The following GRIK1 variants were observed in gnomAD, a reference collection of about 807,000 sequenced individuals.
GRIK1 encodes the protein glutamate ionotropic receptor kainate type subunit 1.
A neutral mutation model predicts 105.7 loss-of-function variants in GRIK1; 69 were observed. The observed-to-expected ratio is 0.65, with a 90% CI of 0.54 to 0.80. GRIK1 has a LOEUF of 0.80. Ranked by LOEUF, GRIK1 falls within the 30% of genes least tolerant of loss-of-function variation. The pLI, the probability that GRIK1 is intolerant of heterozygous loss-of-function variation, is 0.00. For synonymous variants in GRIK1, 438 were observed against 431.3 expected, an observed-to-expected ratio of 1.02 and a Z score of -0.19; for missense variants, 1,109 against 1,167.3, an observed-to-expected ratio of 0.95 and a Z score of 0.73.
intron 1 of GRIK1, among the ~76,000 whole-genome samples, chr21:29,790,263 G>T (rs1281713820): frequency 6.6e-6 from 1 of 152,066 alleles, no homozygotes; most frequent in African/African-American, 2.4e-5. Flanking sequence ...TGGCCAGGAT[G>T]GTCTCAATAT....
rs570548560 is a variant in GRIK1, at chr21:29,640,002, A to G, written c.1098+2824T>C. Reference sequence around the variant, plus strand: ...CTGATTCCCAACAGTGTGTGGAGTTATCAGAAATTACCGCACATGCAACAA... The same window carrying G: ...CTGATTCCCAACAGTGTGTGGAGTTGTCAGAAATTACCGCACATGCAACAA... On this transcript the variant is annotated intron_variant, in intron 7 of 17. Coordinates refer to ENST00000327783, the MANE Select transcript of GRIK1 (RefSeq NM_001330994.2). Among the ~76,000 whole-genome samples the G allele has an allele frequency of 3.9e-5, 6 of 152,308 alleles. No homozygotes were observed. The South Asian group carries it at 8.3e-4, about 21-fold the overall frequency.
At chr21:29,783,519 A>T (rs997487984) in intron 1 of GRIK1, among the ~76,000 whole-genome samples, 2 of 152,108 alleles carry the variant, frequency 1.3e-5, no homozygotes, top group African/African-American at 4.8e-5. Flanking sequence ...TCCACATATT[A>T]TAAGCATATT....
chr21:29,579,067 G>T (rs1050954996), intron 13 of GRIK1, among the ~76,000 whole-genome samples: 5 of 152,056 alleles, frequency 3.3e-5, no homozygotes, highest in Non-Finnish European at 7.4e-5. Context: ...GGACAGACAG[G>T]TGAACAACAG....
intron 4 of GRIK1, among the ~76,000 whole-genome samples, chr21:29,656,389 A>AAG (rs869096813): frequency 2.7e-5 from 4 of 145,498 alleles, no homozygotes; most frequent in Non-Finnish European, 6.0e-5. Flanking sequence ...AAAAAAAAAA[A>AAG]GAAATGAAGA....
chr21:29,571,766 A>G (rs910891316), intron 14 of GRIK1, among the ~76,000 whole-genome samples: 1 of 152,232 alleles, frequency 6.6e-6, no homozygotes, highest in Non-Finnish European at 1.5e-5. Context: ...ACTTGAAAGT[A>G]AAAAGACCAG....
intron 15 of GRIK1, among the ~76,000 whole-genome samples, chr21:29,557,720 G>C (rs2090292035): frequency 6.6e-6 from 1 of 152,148 alleles, no homozygotes; most frequent in African/African-American, 2.4e-5. Context: ...AAAATTAAAA[G>C]ATATTGGCTG....
chr21:29,597,290 A>G (rs549158064), intron 8 of GRIK1, among the ~76,000 whole-genome samples: 1 of 152,348 alleles, frequency 6.6e-6, no homozygotes, highest in South Asian at 2.1e-4. Flanking sequence ...AAACACTTTC[A>G]TCTAATTTGA....
At chr21:29,801,021 A>T (rs2066692842) in intron 1 of GRIK1, among the ~76,000 whole-genome samples, 1 of 152,146 alleles carries the variant, frequency 6.6e-6, no homozygotes, top group South Asian at 2.1e-4. Context: ...AAGAGATCCG[A>T]TGGTGGATCA....
rs1232277994 is a variant in GRIK1, at chr21:29,712,083, T to TATACACACAC, written c.119-18021_119-18020insGTGTGTGTAT. Among the ~76,000 whole-genome samples, 604 of 135,348 alleles carry TATACACACAC rather than the reference T, an allele frequency of 4.5e-3. 7 individuals are homozygous for TATACACACAC. The highest frequency in any genetic ancestry group is 0.015 in the African/African-American group (572 of 37,112). 88.8% of individuals were successfully genotyped at this position (135,348 alleles called of 152,430 possible). ...GTATATAAGTATATGTATACATACA[T>TATACACACAC]ACACACACACACACACACACACACA... On this transcript the variant is annotated intron_variant, in intron 1 of 17. Transcript: ENST00000327783.
intron 15 of GRIK1, 57 bp from the exon 16 acceptor site, chr21:29,555,359 A>T: frequency 6.8e-7 from 1 of 1,467,330 alleles, no homozygotes; most frequent in Non-Finnish European, 9.3e-7. Context: ...GACATCCAGA[A>T]GTATTCTTAA....
chr21:29,666,262 G>A (rs1355966777), intron 4 of GRIK1, among the ~76,000 whole-genome samples: 1 of 152,144 alleles, frequency 6.6e-6, no homozygotes, highest in East Asian at 1.9e-4. Flanking sequence ...CATTAGCTGG[G>A]CGTTGTGGTG....
intron 8 of GRIK1, chr21:29,597,530 T>C (rs1289387897): frequency 3.6e-6 from 1 of 279,918 alleles, no homozygotes; most frequent in Non-Finnish European, 7.9e-6. Context: ...TATAGGCTTT[T>C]AGATCATAAC....
At chr21:29,676,365 C>A (rs1250932695) in intron 3 of GRIK1, among the ~76,000 whole-genome samples, 1 of 152,186 alleles carries the variant, frequency 6.6e-6, no homozygotes, top group Non-Finnish European at 1.5e-5. Flanking sequence ...TTAAGAAAAG[C>A]CTTTCTGCCT....
At chr21:29,806,199 C>T (rs920485168) in intron 1 of GRIK1, among the ~76,000 whole-genome samples, 1 of 151,986 alleles carries the variant, frequency 6.6e-6, no homozygotes, top group East Asian at 1.9e-4. Flanking sequence ...CAAAATGAAT[C>T]TATAATCTGC....
At chr21:29,869,158 C>A (rs193011758) in intron 1 of GRIK1, among the ~76,000 whole-genome samples, 157 of 152,054 alleles carry the variant, frequency 1.0e-3, no homozygotes, top group African/African-American at 3.6e-3. Flanking sequence ...TTTTCACAGA[C>A]CTTTTCCGAC....
At chr21:29,598,731 G>C in intron 8 of GRIK1, 99 bp downstream of exon 8, 1 of 579,700 alleles carries the variant, frequency 1.7e-6, no homozygotes, top group Middle Eastern at 3.0e-4. Flanking sequence ...CATGCTTAGA[G>C]AATCACTTCA....
chr21:29,615,826 A>G (rs1345072495), intron 7 of GRIK1, among the ~76,000 whole-genome samples: 1 of 152,106 alleles, frequency 6.6e-6, no homozygotes, highest in Non-Finnish European at 1.5e-5. Context: ...TCACAATATA[A>G]CCTCATTTTG....
intron 1 of GRIK1, among the ~76,000 whole-genome samples, chr21:29,840,755 T>C (rs1426242382): frequency 6.6e-6 from 1 of 152,118 alleles, no homozygotes; most frequent in African/African-American, 2.4e-5. Flanking sequence ...CTTGCTGAAA[T>C]ATCAACATAA....
intron 1 of GRIK1, among the ~76,000 whole-genome samples, chr21:29,895,091 G>A (rs1224009969): frequency 6.6e-6 from 1 of 152,122 alleles, no homozygotes. Flanking sequence ...AAAAGGGATG[G>A]GTTCAACAGA....
Sources: gnomAD v4.1 joint callset for allele counts (sites outside exome capture counted in the v4.1 genomes callset) on GRCh38, gnomAD v4.1.1 for gene constraint, MANE v1.5 for transcripts, NCBI Gene and HGNC (gene_info 2026-07-23, HGNC 2026-07-21) for gene names.